Variants in CNTNAP2 observed in about 807,000 individuals in gnomAD.
CNTNAP2 encodes contactin-associated protein-like 2.
Under a neutral mutation model 155.2 loss-of-function variants are expected in CNTNAP2, and 98 were observed. The observed-to-expected ratio is 0.63, with a 90% CI of 0.54 to 0.75. CNTNAP2 has a LOEUF of 0.75. Ranked by LOEUF, CNTNAP2 falls within the 30% of genes least tolerant of loss-of-function variation. CNTNAP2 has a pLI of 0.00. For missense variants in CNTNAP2, 1,727 were observed against 1,688.1 expected, an observed-to-expected ratio of 1.02 and a Z score of -0.40; for synonymous variants, 651 against 631.2, an observed-to-expected ratio of 1.03 and a Z score of -0.47.
chr7:146,425,059 C>T (rs1796068841), intron 1 of CNTNAP2, among the ~76,000 whole-genome samples: 1 of 152,104 alleles, frequency 6.6e-6, no homozygotes. Context: ...GTGATAGATC[C>T]ACCATGACAT....
At chr7:146,875,977 C>T (rs1333593579) in intron 3 of CNTNAP2, among the ~76,000 whole-genome samples, 9 of 82,594 alleles carry the variant, frequency 1.1e-4, no homozygotes, top group South Asian at 4.7e-4. Flanking sequence ...AACAAAAAAA[C>T]GAGAAGAAGA....
At chr7:148,045,726 C>A (rs1172900093) in intron 15 of CNTNAP2, among the ~76,000 whole-genome samples, 3 of 152,198 alleles carry the variant, frequency 2.0e-5, no homozygotes. Flanking sequence ...ATAGACACTA[C>A]AGGGACTGCG....
At chr7:148,079,653 A>C (rs367705683) in intron 15 of CNTNAP2, among the ~76,000 whole-genome samples, 4 of 152,208 alleles carry the variant, frequency 2.6e-5, no homozygotes, top group African/African-American at 9.6e-5. Flanking sequence ...CATTTCAAAA[A>C]TTGCCAAAGA....
intron 21 of CNTNAP2, among the ~76,000 whole-genome samples, chr7:148,365,898 A>G (rs111219792): frequency 6.4e-5 from 1 of 15,672 alleles, no homozygotes; most frequent in East Asian, 4.0e-3. Context: ...ATGTGTATGC[A>G]TGTATACATG....
intron 1 of CNTNAP2, among the ~76,000 whole-genome samples, chr7:146,423,794 G>C (rs1222726482): frequency 2.0e-5 from 3 of 152,178 alleles, no homozygotes; most frequent in African/African-American, 7.2e-5. Context: ...GAATATATCA[G>C]AAGGTAGATC....
chr7:147,659,357 A>C (rs1795578740), intron 13 of CNTNAP2, among the ~76,000 whole-genome samples: 1 of 152,200 alleles, frequency 6.6e-6, no homozygotes, highest in Non-Finnish European at 1.5e-5. Flanking sequence ...TTTTCTTCAT[A>C]TTAGAGATTT....
intron 1 of CNTNAP2, among the ~76,000 whole-genome samples, chr7:146,148,372 G>A (rs546062302): frequency 1.4e-4 from 21 of 152,142 alleles, no homozygotes; most frequent in Admixed American, 4.6e-4. Flanking sequence ...AACATTGCTC[G>A]TCTGTTTCAA....
chr7:147,371,225 C>T (rs907009828), intron 9 of CNTNAP2, among the ~76,000 whole-genome samples: 5 of 152,000 alleles, frequency 3.3e-5, no homozygotes, highest in Admixed American at 6.6e-5. Flanking sequence ...ATATATCATA[C>T]GGATTTGGAA....
chr7:148,368,688 C>T lies in CNTNAP2; in HGVS notation c.3476-14961C>T, dbSNP rs116586933. Among the ~76,000 whole-genome samples the T allele has an allele frequency of 8.0e-3, 1,220 of 152,278 alleles. 13 individuals carry two copies. The highest frequency in any genetic ancestry group is 0.02 in the Middle Eastern group (6 of 294). ...GACTCCTGTCTCAAGAGCCAAGCTA[C>T]CCGAGTGAGCAATTCCTGTCCCTTT... On this transcript the variant is annotated intron_variant, in intron 21 of 23. Coordinates refer to ENST00000361727, the MANE Select transcript of CNTNAP2 (RefSeq NM_014141.6).
chr7:147,053,925 G>T (rs939084084), intron 4 of CNTNAP2, among the ~76,000 whole-genome samples: 11 of 152,118 alleles, frequency 7.2e-5, no homozygotes, highest in Admixed American at 1.3e-4. Context: ...AAGCTGAAAA[G>T]TTCCCAAGAG....
chr7:147,334,682 T>A (rs1431943830), intron 9 of CNTNAP2, among the ~76,000 whole-genome samples: 2 of 152,122 alleles, frequency 1.3e-5, no homozygotes, highest in African/African-American at 4.8e-5. Flanking sequence ...CCAGTGAGAT[T>A]GAGAGTAGAT....
intron 3 of CNTNAP2, among the ~76,000 whole-genome samples, chr7:146,972,769 C>T (rs1031099769): frequency 2.6e-5 from 4 of 152,036 alleles, no homozygotes; most frequent in Non-Finnish European, 1.5e-5. Flanking sequence ...TGCTTGAAAA[C>T]CTTTTATTAA....
chr7:147,401,316 T>C (rs1204846047), intron 10 of CNTNAP2, among the ~76,000 whole-genome samples: 1 of 152,200 alleles, frequency 6.6e-6, no homozygotes, highest in East Asian at 1.9e-4. Flanking sequence ...CTTGAGAAAT[T>C]ATGAATAGAC....
intron 8 of CNTNAP2, among the ~76,000 whole-genome samples, chr7:147,221,146 A>C (rs934409775): frequency 6.6e-6 from 1 of 150,610 alleles, no homozygotes; most frequent in Admixed American, 6.6e-5. Context: ...ATAAAAAAAA[A>C]CTCTTAATTT....
At chr7:148,293,983 C>T (rs553686473) in intron 21 of CNTNAP2, among the ~76,000 whole-genome samples, 3 of 130,618 alleles carry the variant, frequency 2.3e-5, no homozygotes, top group South Asian at 2.4e-4. Context: ...TGCAATAAGC[C>T]GAGATTGCAT....
intron 1 of CNTNAP2, among the ~76,000 whole-genome samples, chr7:146,639,181 A>G (rs961576216): frequency 6.6e-6 from 1 of 152,196 alleles, no homozygotes; most frequent in Non-Finnish European, 1.5e-5. Context: ...AATATTATAT[A>G]TTTGAGACTA....
At position 148,036,452 on chromosome 7, in the gene CNTNAP2, G is replaced by A. The variant is rs73468140; in HGVS notation, c.2383+58463G>A. On this transcript the variant is annotated intron_variant, in intron 15 of 23. Transcript: ENST00000361727. Reference sequence around the variant, plus strand: ...GAAGTGGGCTCATGGTTTCTGGGGCGAATTGCTTATAAAAGGATGAATTTG... The same window carrying A: ...GAAGTGGGCTCATGGTTTCTGGGGCAAATTGCTTATAAAAGGATGAATTTG... 4.5e-3 allele frequency among the ~76,000 whole-genome samples: 677 copies of A among 152,118 alleles called. 2 individuals are homozygous for A. Among genetic ancestry groups the A allele is most frequent in the African/African-American group, 0.015 (628 of 41,506 alleles).
At chr7:147,327,286 G>A (rs751227720) in intron 9 of CNTNAP2, among the ~76,000 whole-genome samples, 10 of 152,142 alleles carry the variant, frequency 6.6e-5, no homozygotes, top group Non-Finnish European at 1.2e-4. Flanking sequence ...CCATTGAAGA[G>A]CCTCCAGTGA....
At chr7:146,611,906 C>T (rs1408574055) in intron 1 of CNTNAP2, among the ~76,000 whole-genome samples, 1 of 152,156 alleles carries the variant, frequency 6.6e-6, no homozygotes, top group Non-Finnish European at 1.5e-5. Flanking sequence ...AAATCACATG[C>T]AGACTTTTCA....
Sources: gnomAD v4.1 joint callset for allele counts (sites outside exome capture counted in the v4.1 genomes callset) on GRCh38, gnomAD v4.1.1 for gene constraint, MANE v1.5 for transcripts, NCBI Gene and HGNC (gene_info 2026-07-23, HGNC 2026-07-21) for gene names.